PRMT8: variants seen among roughly 807,000 people sequenced by gnomAD.
PRMT8 encodes the protein protein arginine N-methyltransferase 8.
A neutral mutation model predicts 47.1 loss-of-function variants in PRMT8; 7 were observed. The ratio of observed to expected loss-of-function variants is 0.15; its 90% CI spans 0.08 to 0.28. PRMT8 has a LOEUF of 0.28. Ranked by LOEUF, PRMT8 falls within the 10% of genes least tolerant of loss-of-function variation. The pLI, the probability that PRMT8 is intolerant of heterozygous loss-of-function variation, is 1.00. For synonymous variants in PRMT8, 188 were observed against 186.5 expected (o/e 1.01, Z -0.07); for missense variants, 237 against 505.4 (o/e 0.47, Z 5.09).
chr12:3,506,902 T>A (rs182291830), intron 1 of PRMT8, among the ~76,000 whole-genome samples: 56 of 152,096 alleles, frequency 3.7e-4, no homozygotes, highest in African/African-American at 1.3e-3. Context: ...CAGGCTGACA[T>A]GACAATTTGG....
rs1867361800 is a variant in PRMT8 at position 3,593,606 on chromosome 12, G to A, written c.*424G>A. On this transcript the variant is annotated 3_prime_UTR_variant, in exon 10 of 10. Coordinates refer to ENST00000382622, the MANE Select transcript of PRMT8 (RefSeq NM_019854.5). This position sits in a 1 kb window ranked among gnomAD's most constrained non-coding sequence, Gnocchi z 4.8. ...AGCATAAGCCAGATTATCTGTGTGT[G>A]CGGTGGTGTGCGTGTGCGTGCATGT... 1 of 233,196 alleles carries A rather than the reference G, an allele frequency of 4.3e-6. No homozygotes were observed. The highest frequency in any genetic ancestry group is 6.1e-5 in the South Asian group (1 of 16,492). 14.4% of individuals were successfully genotyped at this position (233,196 alleles called of 1,614,324 possible).
intron 1 of PRMT8, among the ~76,000 whole-genome samples, chr12:3,418,769 G>T (rs1048059815): frequency 6.6e-6 from 1 of 151,926 alleles, no homozygotes; most frequent in African/African-American, 2.4e-5. Flanking sequence ...CAGTGTCTTC[G>T]GTGGCTTTTG....
intron 1 of PRMT8, among the ~76,000 whole-genome samples, chr12:3,450,814 T>A (rs1381144607): frequency 6.6e-6 from 1 of 152,332 alleles, no homozygotes; most frequent in East Asian, 1.9e-4. Context: ...GTTTACTGTT[T>A]CATCAAGGAC....
intron 2 of PRMT8, among the ~76,000 whole-genome samples, chr12:3,542,806 G>A (rs368227145): frequency 1.3e-5 from 2 of 152,320 alleles, no homozygotes; most frequent in African/African-American, 2.4e-5. Flanking sequence ...GGCTATTACC[G>A]ATCTCTATAA....
chr12:3,522,922 G>T (rs1284079508), intron 1 of PRMT8, among the ~76,000 whole-genome samples: 2 of 152,090 alleles, frequency 1.3e-5, no homozygotes, highest in East Asian at 3.9e-4. Flanking sequence ...CTATAAGCAG[G>T]CTCCGTCATT....
chr12:3,521,457 C>T (rs1340880231), intron 1 of PRMT8, among the ~76,000 whole-genome samples: 1 of 152,092 alleles, frequency 6.6e-6, no homozygotes, highest in African/African-American at 2.4e-5. Context: ...ACCTGTAATC[C>T]CAGCTACTCA....
chr12:3,396,467 TA>T (rs1303632067), intron 1 of PRMT8, among the ~76,000 whole-genome samples: 7 of 152,194 alleles, frequency 4.6e-5, no homozygotes, highest in Non-Finnish European at 8.8e-5. Context: ...CTCCTTCACT[TA>T]TGAAGCTTAG....
intron 1 of PRMT8, among the ~76,000 whole-genome samples, chr12:3,398,375 C>G (rs945040900): frequency 6.6e-6 from 1 of 152,172 alleles, no homozygotes; most frequent in African/African-American, 2.4e-5. Context: ...AAAAATGGTG[C>G]TGTGTATGGG....
At chr12:3,389,385 G>A (rs1056786860) in intron 1 of PRMT8, among the ~76,000 whole-genome samples, 6 of 152,044 alleles carry the variant, frequency 3.9e-5, no homozygotes, top group Non-Finnish European at 5.9e-5. Flanking sequence ...AGCCCTGCTC[G>A]CCCAGCCCTT....
intron 1 of PRMT8, among the ~76,000 whole-genome samples, chr12:3,509,397 C>T (rs1308307716): frequency 6.6e-6 from 1 of 152,200 alleles, no homozygotes; most frequent in East Asian, 1.9e-4. Flanking sequence ...AGATCCAAGT[C>T]TCCTCCTATG....
At chr12:3,396,831 C>A (rs1011622495) in intron 1 of PRMT8, among the ~76,000 whole-genome samples, 85 of 152,064 alleles carry the variant, frequency 5.6e-4, no homozygotes, top group African/African-American at 1.9e-3. Flanking sequence ...TCCATTCTCC[C>A]CGTCACTTTC....
intron 1 of PRMT8, among the ~76,000 whole-genome samples, chr12:3,484,039 G>T (rs141158980): frequency 6.4e-4 from 98 of 152,272 alleles, no homozygotes; most frequent in African/African-American, 2.2e-3. Context: ...CTCTGGAAAA[G>T]CTAAACTAGA....
rs556171764 is a variant in PRMT8, at chr12:3,454,681, G to C, written c.48+73239G>C. Reference sequence around the variant, plus strand: ...TTCATAAAATGAATCAGGACAAAAGGAAGGGGAGGAGTGAAACCAAACCCA... The same window carrying C: ...TTCATAAAATGAATCAGGACAAAAGCAAGGGGAGGAGTGAAACCAAACCCA... On this transcript the variant is annotated intron_variant, in intron 1 of 9. Coordinates refer to the PRMT8 transcript ENST00000452611. Among the ~76,000 whole-genome samples the C allele has an allele frequency of 3.9e-5, 6 of 152,280 alleles. No homozygotes were observed. In the East Asian group the frequency reaches 1.2e-3, roughly 29 times the overall value.
rs937036874 is a variant in PRMT8, at chr12:3,538,373, G to T, written c.76-2233G>T. ...CACGTCTATTTCTTCCACAGGACCT[G>T]CACGCTGCCTTGCTGTTGGAGATCT... On this transcript the variant is annotated intron_variant, in intron 1 of 9. Coordinates refer to ENST00000382622, the MANE Select transcript of PRMT8 (RefSeq NM_019854.5). This position sits in a 1 kb window ranked among gnomAD's most constrained non-coding sequence, Gnocchi z 4.6. 2.3e-5 allele frequency: 7 copies of T among 302,854 alleles called. No homozygotes were observed. The highest frequency in any genetic ancestry group is 3.9e-5 in the Non-Finnish European group (6 of 152,144). The allele number at this position is 302,854 out of a possible 1,614,324, so 18.8% of individuals were successfully genotyped here.
intron 1 of PRMT8, among the ~76,000 whole-genome samples, chr12:3,391,090 T>C (rs1864187820): frequency 6.6e-6 from 1 of 152,180 alleles, no homozygotes; most frequent in Non-Finnish European, 1.5e-5. Flanking sequence ...TCTTTTGCCC[T>C]TGCTCCCATC....
At chr12:3,421,918 G>C (rs1017978848) in intron 1 of PRMT8, among the ~76,000 whole-genome samples, 1 of 152,218 alleles carries the variant, frequency 6.6e-6, no homozygotes, top group Admixed American at 6.5e-5. Context: ...TCACCACTGC[G>C]CTGCTGGCCT....
chr12:3,414,331 G>A (rs193200234), intron 1 of PRMT8, among the ~76,000 whole-genome samples: 14 of 152,238 alleles, frequency 9.2e-5, no homozygotes, highest in Admixed American at 4.6e-4. Flanking sequence ...TCTCCCCATC[G>A]ACAAGCAAGC....
intron 1 of PRMT8, among the ~76,000 whole-genome samples, chr12:3,420,180 A>C (rs1004826228): frequency 6.6e-6 from 1 of 151,992 alleles, no homozygotes; most frequent in Non-Finnish European, 1.5e-5. Context: ...TTGTCCATCA[A>C]TGCAAGGCGG....
At chr12:3,458,156 C>G (rs1053168934) in intron 1 of PRMT8, among the ~76,000 whole-genome samples, 1 of 152,172 alleles carries the variant, frequency 6.6e-6, no homozygotes, top group African/African-American at 2.4e-5. Context: ...TTTTGTTCCC[C>G]GCTATTCAGC....
Sources: gnomAD v4.1 joint callset for allele counts (sites outside exome capture counted in the v4.1 genomes callset) on GRCh38, gnomAD v4.1.1 for gene constraint, Gnocchi (gnomAD v3.1) non-coding constraint, MANE v1.5 for transcripts, NCBI Gene and HGNC (gene_info 2026-07-23, HGNC 2026-07-21) for gene names.